GAS7: variants seen among roughly 807,000 people sequenced by gnomAD.
GAS7 encodes growth arrest specific 7, also known as growth arrest-specific protein 7.
Under a neutral mutation model 71.1 loss-of-function variants are expected in GAS7, and 28 were observed. That is an observed-to-expected ratio of 0.39 (90% confidence interval 0.29 to 0.54). The LOEUF (loss-of-function observed/expected upper bound fraction) is 0.54. Among genes scored for constraint, GAS7 ranks in the 20% least tolerant of loss-of-function variants. GAS7 has a pLI of 0.62. For synonymous variants in GAS7, 258 were observed against 245.8 expected (o/e 1.05, Z -0.46); for missense variants, 436 against 627.8 (o/e 0.69, Z 3.27).
intron 1 of GAS7, among the ~76,000 whole-genome samples, chr17:10,108,818 A>T (rs1160099230): frequency 6.6e-6 from 1 of 152,236 alleles, no homozygotes; most frequent in Non-Finnish European, 1.5e-5. Flanking sequence ...CTCTCACCAT[A>T]TACAAAAATC....
intron 2 of GAS7, among the ~76,000 whole-genome samples, chr17:9,990,134 T>C (rs1567861726): frequency 6.6e-6 from 1 of 152,084 alleles, no homozygotes; most frequent in Non-Finnish European, 1.5e-5. Context: ...CCGGGCGTGG[T>C]GGCAGGCACC....
intron 4 of GAS7, among the ~76,000 whole-genome samples, chr17:9,961,104 T>C (rs2069472343): frequency 7.1e-6 from 1 of 140,124 alleles, no homozygotes; most frequent in Non-Finnish European, 1.6e-5. Flanking sequence ...CACTCAGAGA[T>C]ACATGGATCT....
chr17:10,034,307 T>A lies in GAS7; in HGVS notation c.184-14410A>T. 1 of 695,062 alleles carries A rather than the reference T, an allele frequency of 1.4e-6. No homozygotes were observed. Among genetic ancestry groups the A allele is most frequent in the Non-Finnish European group, 1.8e-6 (1 of 568,780 alleles). 43.1% of individuals were successfully genotyped at this position (695,062 alleles called of 1,614,324 possible). A position where few individuals can be genotyped will look rare whatever the true frequency, so the allele number is the denominator to read the frequency against. ...ATATACATATATATAGCCTAATACTTAATAATTCTTTTTTTTTTTTTTAGA... is the reference window on the plus strand; with the variant it reads ...ATATACATATATATAGCCTAATACTAAATAATTCTTTTTTTTTTTTTTAGA... On this transcript the variant is annotated intron_variant, in intron 1 of 13. Transcript: ENST00000432992. The surrounding 1 kb of genome is among the most constrained non-coding windows in gnomAD (Gnocchi z 4.4).
intron 2 of GAS7, among the ~76,000 whole-genome samples, chr17:9,998,444 G>C (rs547400870): frequency 6.6e-6 from 1 of 152,252 alleles, no homozygotes; most frequent in African/African-American, 2.4e-5. Context: ...CCAAATGGCT[G>C]CTGAAGAAGA....
At chr17:10,113,459 G>A (rs2073832767) in intron 1 of GAS7, among the ~76,000 whole-genome samples, 1 of 152,214 alleles carries the variant, frequency 6.6e-6, no homozygotes. Context: ...GGTGAAATGA[G>A]TGGGGCAGGC....
At chr17:10,191,910 G>GTTTAGT (rs1173594876) in intron 1 of GAS7, among the ~76,000 whole-genome samples, 16 of 151,084 alleles carry the variant, frequency 1.1e-4, no homozygotes, top group African/African-American at 3.9e-4. Flanking sequence ...GAGATGATGA[G>GTTTAGT]TTTAGTTTTG....
At chr17:10,032,570 A>C (rs2152220875) in intron 1 of GAS7, among the ~76,000 whole-genome samples, 1 of 152,298 alleles carries the variant, frequency 6.6e-6, no homozygotes, top group East Asian at 1.9e-4. Context: ...GCTAGCCTTG[A>C]GGTCCTATAA....
At chr17:9,922,395 C>T (rs1032428793) in intron 11 of GAS7, among the ~76,000 whole-genome samples, 2 of 152,226 alleles carry the variant, frequency 1.3e-5, no homozygotes, top group East Asian at 1.9e-4. Context: ...ATTGTGGCTT[C>T]GCCGCTCCAC....
intron 7 of GAS7, among the ~76,000 whole-genome samples, chr17:9,942,029 G>A (rs928060353): frequency 6.6e-6 from 1 of 152,172 alleles, no homozygotes; most frequent in Non-Finnish European, 1.5e-5. Flanking sequence ...GAGGCGGGCA[G>A]ATTACCTGAG....
At chr17:9,991,467 G>C (rs1470447713) in intron 2 of GAS7, among the ~76,000 whole-genome samples, 1 of 152,192 alleles carries the variant, frequency 6.6e-6, no homozygotes, top group Non-Finnish European at 1.5e-5. Flanking sequence ...GGATGAAGCA[G>C]AGGCCCCGTC....
Position 9,976,594 on chromosome 17 carries a change from AG to A in GAS7, c.385+5209del, listed in dbSNP as rs371086385. ...TAACCATATCCCTGGCCGGCTCCTC[AG>A]GCTCAAAGGAAGGTCCTCCTTGCCC... On this transcript the variant is annotated intron_variant, in intron 3 of 13. Transcript: ENST00000432992. Among the ~76,000 whole-genome samples the A allele has an allele frequency of 5.8e-3, 884 of 152,254 alleles. 6 individuals are homozygous for A. The highest frequency in any genetic ancestry group is 0.02 in the African/African-American group (821 of 41,556).
chr17:9,980,931 C>T (rs2070388736), intron 3 of GAS7, among the ~76,000 whole-genome samples: 1 of 152,174 alleles, frequency 6.6e-6, no homozygotes, highest in South Asian at 2.1e-4. Context: ...CCATAACCTG[C>T]CTTCCAGAAT....
At chr17:10,104,788 A>G (rs1206843365) in intron 1 of GAS7, among the ~76,000 whole-genome samples, 1 of 152,046 alleles carries the variant, frequency 6.6e-6, no homozygotes, top group South Asian at 2.1e-4. Context: ...ATCCATCCAC[A>G]TTTTCCTTCT....
At chr17:10,120,265 T>G (rs1271212500) in intron 1 of GAS7, among the ~76,000 whole-genome samples, 1 of 152,148 alleles carries the variant, frequency 6.6e-6, no homozygotes, top group Non-Finnish European at 1.5e-5. Flanking sequence ...CCTCCCTCCA[T>G]TCTTGCAGAA....
intron 8 of GAS7, among the ~76,000 whole-genome samples, chr17:9,935,138 T>A (rs1346032042): frequency 7.2e-5 from 11 of 152,188 alleles, no homozygotes; most frequent in Non-Finnish European, 1.5e-4. Flanking sequence ...GAAGATGGAC[T>A]GTGTGGGTCT....
chr17:10,184,508 T>C (rs1041259877), intron 1 of GAS7, among the ~76,000 whole-genome samples: 1 of 152,158 alleles, frequency 6.6e-6, no homozygotes, highest in Non-Finnish European at 1.5e-5. Context: ...ATTTAACAAG[T>C]CTTGCAGACA....
At chr17:9,958,981 A>C in intron 5 of GAS7, 5 of 1,413,302 alleles carry the variant, frequency 3.5e-6, no homozygotes, top group Non-Finnish European at 4.6e-6. Context: ...TCCTCCTTCC[A>C]CTTGTTCACC....
At chr17:10,035,599 C>T (rs765661092) in intron 1 of GAS7, among the ~76,000 whole-genome samples, 1 of 152,094 alleles carries the variant, frequency 6.6e-6, no homozygotes, top group African/African-American at 2.4e-5. Flanking sequence ...TGGAGGGAGA[C>T]CATGTACCAA....
intron 8 of GAS7, 65 bp downstream of exon 8, chr17:9,940,061 G>T: frequency 1.1e-6 from 1 of 911,826 alleles, no homozygotes; most frequent in Non-Finnish European, 1.9e-6. Context: ...CAGTGATAGT[G>T]GCTGATTTCC....
Sources: allele counts gnomAD v4.1 joint callset (sites outside exome capture counted in the v4.1 genomes callset), GRCh38; gene constraint gnomAD v4.1.1; non-coding constraint Gnocchi (gnomAD v3.1); transcripts MANE v1.5; gene names NCBI Gene and HGNC (gene_info 2026-07-23, HGNC 2026-07-21).